The following PRMT5 variants were observed in gnomAD, a reference collection of about 807,000 sequenced individuals.
PRMT5 encodes the protein protein arginine methyltransferase 5, also known as protein arginine N-methyltransferase 5.
A neutral mutation model predicts 84.0 loss-of-function variants in PRMT5; 15 were observed. That is an observed-to-expected ratio of 0.18 (90% CI 0.12 to 0.28). PRMT5 has a LOEUF of 0.28. Among genes scored for constraint, PRMT5 ranks in the 10% least tolerant of loss-of-function variants. The pLI is 1.00. For synonymous variants in PRMT5, 276 were observed against 292.4 expected (o/e 0.94, Z 0.57); for missense variants, 486 against 808.0 (o/e 0.60, Z 4.83).
In PRMT5 at chr14:22,922,249, A is replaced by G; in HGVS notation, c.1697-9T>C. On this transcript the variant is annotated splice_polypyrimidine_tract_variant and intron_variant, in intron 15 of 16. Coordinates refer to ENST00000324366, the MANE Select transcript of PRMT5 (RefSeq NM_006109.5). ...AGTCTCTGGACGGATACCTGTGTGG[A>G]CAAAATAATGAAAAAACAGAGGTCT... is the stretch of plus-strand genomic sequence containing the variant. 1.3e-6 allele frequency: 2 copies of G among 1,589,634 alleles called. No homozygotes were observed. Among genetic ancestry groups the G allele is most frequent in the South Asian group, 2.2e-5 (2 of 90,532 alleles).
At chr14:22,921,944 G>C (rs1053223120) in intron 16 of PRMT5, among the ~76,000 whole-genome samples, 1 of 145,868 alleles carries the variant, frequency 6.9e-6, no homozygotes, top group African/African-American at 2.5e-5. Flanking sequence ...GTTTTTAAAA[G>C]ATGACTCTTG....
intron 1 of PRMT5, 194 bp downstream of exon 1, chr14:22,929,058 G>A (rs1432708253): frequency 3.6e-6 from 5 of 1,401,428 alleles, no homozygotes; most frequent in Non-Finnish European, 4.9e-6. Flanking sequence ...TTGGGACTCA[G>A]TGACCACAGG....
At position 22,924,359 on chromosome 14, in the gene PRMT5, G is replaced by C; in HGVS notation, c.1110C>G (p.Pro370=). Residue 370 remains proline, a synonymous_variant, in exon 11 of 17, where the codon CCC becomes CCG. Transcript: ENST00000324366. The surrounding 1 kb of genome is among the most constrained non-coding windows in gnomAD (Gnocchi z 6.5). The part of the protein sequence containing the change: ...VLMVLGAGRG[P]LVNASLRAAK... Reference sequence around the variant, plus strand: ...CTGCCCGCAGGGAAGCGTTCACCAGGGGTCCCCGTCCTGCTCCCAGCACCA... The same window carrying C: ...CTGCCCGCAGGGAAGCGTTCACCAGCGGTCCCCGTCCTGCTCCCAGCACCA... 1.9e-6 allele frequency: 3 copies of C among 1,614,046 alleles called. No individual in the cohort carries two copies. Among genetic ancestry groups the C allele is most frequent in the Non-Finnish European group, 2.5e-6 (3 of 1,180,024 alleles).
In PRMT5 at chr14:22,923,434, GT is replaced by G; in HGVS notation, c.1376-275del. The G allele has an allele frequency of 3.6e-6, 1 of 274,506 alleles. No homozygotes were observed. 17.0% of individuals were successfully genotyped at this position (274,506 alleles called of 1,614,324 possible). ...TCTAATCTGGTGGTTCTTAACTTTT[GT>G]GGGGTCACAAAGTCCCACAAAAGTT... is the stretch of plus-strand genomic sequence containing the variant. On this transcript the variant is annotated intron_variant, in intron 12 of 16. Transcript: ENST00000324366. This position sits in a 1 kb window ranked among gnomAD's most constrained non-coding sequence, Gnocchi z 5.2.
chr14:22,924,505 T>G lies in PRMT5; in HGVS notation c.1050A>C (p.Pro350=). The change falls in exon 10 of 17, where the codon CCA becomes CCC. Residue 350 remains proline (P), a synonymous_variant. Coordinates refer to ENST00000324366, the MANE Select transcript of PRMT5 (RefSeq NM_006109.5). The surrounding 1 kb of genome is among the most constrained non-coding windows in gnomAD (Gnocchi z 6.5). ...GGACATTGGTATCCTTCTCCTCTTC[T>G]GGTACTCGGTCTAGCAGACATTTAT... ...AIYKCLLDRV[P]EEEKDTNVQV... The G allele has an allele frequency of 6.2e-7, 1 of 1,614,166 alleles. No individual in the cohort carries two copies. The highest frequency in any genetic ancestry group is 8.5e-7 in the Non-Finnish European group (1 of 1,180,010).
At chr14:22,921,167 C>T (rs755872825) in intron 16 of PRMT5, 111 bp from the exon 17 acceptor site, 36 of 1,328,772 alleles carry the variant, frequency 2.7e-5, no homozygotes, top group Non-Finnish European at 3.5e-5. Flanking sequence ...TGTCCCAACC[C>T]TCATGAAAGT....
At position 22,924,723 on chromosome 14, in the gene PRMT5, A is replaced by G; in HGVS notation, c.940-14T>C. ...GTCCATCAGTGGCTGATGAATGAGG[A>G]AAAGGACAAAGTTAGCCAGTTTCTG... On this transcript the variant is annotated splice_polypyrimidine_tract_variant and intron_variant, in intron 8 of 16. Coordinates refer to ENST00000324366, the MANE Select transcript of PRMT5 (RefSeq NM_006109.5). The surrounding 1 kb of genome is among the most constrained non-coding windows in gnomAD (Gnocchi z 6.5). The G allele has an allele frequency of 6.2e-7, 1 of 1,612,666 alleles. No individual in the cohort carries two copies. Among genetic ancestry groups the G allele is most frequent in the Non-Finnish European group, 8.5e-7 (1 of 1,179,038 alleles).
Position 22,924,246 on chromosome 14 carries a change from C to T in PRMT5, c.1199+24G>A, listed in dbSNP as rs374207207. 14 of 1,613,146 alleles carry T rather than the reference C, an allele frequency of 8.7e-6. No individual in the cohort carries two copies. The East Asian group carries it at 2.7e-4, about 31-fold the overall frequency. ...GAAATTTGGCAATGAGGACTAACTT[C>T]CCAGCAAGCAGGTTGCTACTCACGT... On this transcript the variant is annotated intron_variant, in intron 11 of 16. Transcript: ENST00000324366. The surrounding 1 kb of genome is among the most constrained non-coding windows in gnomAD (Gnocchi z 6.5).
chr14:22,924,831 A>C lies in PRMT5; in HGVS notation c.939+48T>G. On this transcript the variant is annotated intron_variant, in intron 8 of 16. Coordinates refer to ENST00000324366, the MANE Select transcript of PRMT5 (RefSeq NM_006109.5). The surrounding 1 kb of genome is among the most constrained non-coding windows in gnomAD (Gnocchi z 6.5). ...AGATTTGGAGGCATATATTCTCAAG[A>C]AACATTTTCCATCCCACCTTCCTCC... 6.2e-7 allele frequency: 1 copy of C among 1,601,096 alleles called. No individual in the cohort carries two copies. Among genetic ancestry groups the C allele is most frequent in the Non-Finnish European group, 8.5e-7 (1 of 1,172,050 alleles).
At chr14:22,921,680 C>G (rs757687456) in intron 16 of PRMT5, among the ~76,000 whole-genome samples, 1 of 151,916 alleles carries the variant, frequency 6.6e-6, no homozygotes, top group African/African-American at 2.4e-5. Context: ...GTCAGGAGAT[C>G]GAGACCATCC....
rs1358363204 is a variant in PRMT5 at position 22,924,319 on chromosome 14, G to A, written c.1150C>T (p.Arg384Trp). 2.5e-6 allele frequency: 4 copies of A among 1,614,122 alleles called. No individual in the cohort carries two copies. Among genetic ancestry groups the A allele is most frequent in the African/African-American group, 1.3e-5 (1 of 75,010 alleles). ...TCCACAGCATACAGCTTTATCCGCC[G>A]GTCGGCCTGCTTGGCTGCCCGCAGG... ...ASLRAAKQAD[R>W]RIKLYAVEKN... The change falls in exon 11 of 17, where the codon CGG (arginine) becomes TGG (tryptophan). Residue 384 changes from arginine (R) to tryptophan (W), a missense_variant. Arg to Trp is a moderately radical substitution (Grantham distance 101). Transcript: ENST00000324366. This position sits in a 1 kb window ranked among gnomAD's most constrained non-coding sequence, Gnocchi z 6.5.
intron 6 of PRMT5, 102 bp downstream of exon 6, chr14:22,926,404 A>G (rs2044419797): frequency 1.3e-6 from 2 of 1,591,018 alleles, no homozygotes; most frequent in Admixed American, 1.7e-5. Context: ...AGTCTGAGAC[A>G]GAGGGGAAGT....
Position 22,926,554 on chromosome 14 carries a change from A to T in PRMT5, c.565T>A (p.Trp189Arg). 6.2e-7 allele frequency: 1 copy of T among 1,614,122 alleles called. No homozygotes were observed. The highest frequency in any genetic ancestry group is 8.5e-7 in the Non-Finnish European group (1 of 1,180,026). The change falls in exon 6 of 17, where the codon TGG becomes AGG. Residue 189 changes from tryptophan (W) to arginine (R), a missense_variant and splice_region_variant. This residue lies in a region of PRMT5 where 215 missense variants were observed against 301.1 expected (regional missense o/e 0.71). Coordinates refer to ENST00000324366, the MANE Select transcript of PRMT5 (RefSeq NM_006109.5). Reference protein sequence around the residue: ...YSGEEKTWMWWHNFRTLCDYS... With the variant: ...YSGEEKTWMWRHNFRTLCDYS... ...TCACACAAAGTCCGGAAGTTGTGCCACCTGTTCAGTCAAATACAGAAAAGT... is the reference window on the plus strand; with the variant it reads ...TCACACAAAGTCCGGAAGTTGTGCCTCCTGTTCAGTCAAATACAGAAAAGT...
At position 22,920,806 on chromosome 14, in the gene PRMT5, G is replaced by A. The variant is rs1215827010; in HGVS notation, c.*98C>T. 2.6e-6 allele frequency: 4 copies of A among 1,519,054 alleles called. No individual in the cohort carries two copies. In the East Asian group the frequency reaches 9.0e-5, roughly 34 times the overall value. The allele number at this position is 1,519,054 out of a possible 1,614,324, so 94.1% of individuals were successfully genotyped here. ...AGATTGAAATGCTCCTCTCTGATGG[G>A]CAAGGGGAATCACAGCCCATAGATG... On this transcript the variant is annotated 3_prime_UTR_variant, in exon 17 of 17. Coordinates refer to ENST00000324366, the MANE Select transcript of PRMT5 (RefSeq NM_006109.5).
At chr14:22,926,609 C>T (rs2044424973) in intron 5 of PRMT5, 54 bp from the exon 6 acceptor site, 8 of 1,609,454 alleles carry the variant, frequency 5.0e-6, no homozygotes, top group Non-Finnish European at 6.8e-6. Flanking sequence ...CGACCAATCA[C>T]CACAGCTCAA....
chr14:22,927,441 T>C (rs2044447416), intron 4 of PRMT5, 85 bp downstream of exon 4: 2 of 1,559,800 alleles, frequency 1.3e-6, no homozygotes, highest in Admixed American at 3.4e-5. Context: ...AAACACACCC[T>C]TCACTGAATG....
chr14:22,926,037 GA>G, intron 7 of PRMT5, 95 bp downstream of exon 7: 1 of 1,329,050 alleles, frequency 7.5e-7, no homozygotes, highest in Non-Finnish European at 1.0e-6. Flanking sequence ...AGAAACCAAA[GA>G]AAAAGAGTCA....
intron 5 of PRMT5, 29 bp from the exon 6 acceptor site, chr14:22,926,584 T>C (rs376694570): frequency 6.3e-5 from 101 of 1,613,556 alleles, no homozygotes; most frequent in Non-Finnish European, 8.2e-5. Context: ...AAAAGTACAG[T>C]AAACTAGATA....
Position 22,924,978 on chromosome 14 carries a change from G to A in PRMT5, c.840C>T (p.Tyr280=), listed in dbSNP as rs368819638. 2.0e-5 allele frequency: 33 copies of A among 1,613,996 alleles called. No individual in the cohort carries two copies. The highest frequency in any genetic ancestry group is 2.5e-5 in the Non-Finnish European group (29 of 1,180,032). Residue 280 remains tyrosine, a synonymous_variant, in exon 8 of 17, where the codon TAC becomes TAT. Coordinates refer to ENST00000324366, the MANE Select transcript of PRMT5 (RefSeq NM_006109.5). The surrounding 1 kb of genome is among the most constrained non-coding windows in gnomAD (Gnocchi z 6.5). ...GGCTTAAGTATTCCAGGTATTGGAG[G>A]TAGGAGCAGAACTCCTTCTCTGAGT... ...NHHSEKEFCS[Y]LQYLEYLSQN...
Sources: allele counts gnomAD v4.1 joint callset (sites outside exome capture counted in the v4.1 genomes callset), GRCh38; gene constraint gnomAD v4.1.1; regional missense constraint gnomAD v4.1.1; non-coding constraint Gnocchi (gnomAD v3.1); transcripts MANE v1.5; gene names NCBI Gene and HGNC (gene_info 2026-07-23, HGNC 2026-07-21).